Variants in SATB2 observed in about 807,000 individuals in gnomAD.
SATB2 encodes SATB homeobox 2, also known as DNA-binding protein SATB2.
A neutral mutation model predicts 73.4 loss-of-function variants in SATB2; 1 was observed. That is an observed-to-expected ratio of 0.01 (90% CI 0.00 to 0.06). SATB2 has a LOEUF of 0.06. Among genes scored for constraint, SATB2 ranks in the 10% least tolerant of loss-of-function variants. The pLI is 1.00. For missense variants in SATB2, 459 were observed against 945.8 expected (o/e 0.49, Z 6.75); for synonymous variants, 397 against 367.0 (o/e 1.08, Z -0.93).
intron 10 of SATB2, among the ~76,000 whole-genome samples, chr2:199,279,565 C>T (rs1337219138): frequency 6.6e-6 from 1 of 152,126 alleles, no homozygotes; most frequent in Non-Finnish European, 1.5e-5. Flanking sequence ...AAAGAGGTGA[C>T]TGTATAAGGT....
At chr2:199,364,266 AG>A (rs1264321850) in intron 6 of SATB2, among the ~76,000 whole-genome samples, 1 of 152,182 alleles carries the variant, frequency 6.6e-6, no homozygotes, top group African/African-American at 2.4e-5. Flanking sequence ...TTTAGTACAG[AG>A]GACTAGTTCA....
At chr2:199,335,001 T>C (rs189448735) in intron 7 of SATB2, among the ~76,000 whole-genome samples, 2 of 152,140 alleles carry the variant, frequency 1.3e-5, no homozygotes, top group East Asian at 3.9e-4. Context: ...GCTGCTGAAA[T>C]TCATTTGTGT....
intron 6 of SATB2, among the ~76,000 whole-genome samples, 193 bp from the exon 7 acceptor site, chr2:199,349,366 A>T (rs1688748383): frequency 6.6e-6 from 1 of 152,222 alleles, no homozygotes; most frequent in African/African-American, 2.4e-5. Context: ...TTCATGGAAC[A>T]TATGAAAGAA....
intron 3 of SATB2, among the ~76,000 whole-genome samples, chr2:199,401,072 T>C (rs1690459061): frequency 6.6e-6 from 1 of 152,220 alleles, no homozygotes; most frequent in South Asian, 2.1e-4. Flanking sequence ...GCCATGCTAA[T>C]ATTCTCTATC....
intron 3 of SATB2, among the ~76,000 whole-genome samples, chr2:199,421,613 T>C (rs1260634448): frequency 6.6e-6 from 1 of 152,148 alleles, no homozygotes; most frequent in Non-Finnish European, 1.5e-5. Flanking sequence ...TAGTAAGCAG[T>C]CAGTAACCAA....
At chr2:199,312,540 A>G (rs1687623733) in intron 9 of SATB2, among the ~76,000 whole-genome samples, 1 of 152,128 alleles carries the variant, frequency 6.6e-6, no homozygotes, top group African/African-American at 2.4e-5. Context: ...TAACGGGGTG[A>G]CCTTTGGGCA....
intron 3 of SATB2, among the ~76,000 whole-genome samples, chr2:199,421,117 G>C (rs1316671822): frequency 6.6e-6 from 1 of 152,078 alleles, no homozygotes; most frequent in Non-Finnish European, 1.5e-5. Context: ...ACTCAGAAGG[G>C]AGACAATCAG....
At chr2:199,459,746 C>G (rs1008084061), upstream of SATB2, 2 of 152,664 alleles carry the variant, frequency 1.3e-5, no homozygotes, top group African/African-American at 2.4e-5. The surrounding 1 kb of genome is among the most constrained non-coding windows in gnomAD (Gnocchi z 4.2). Context: ...AGTTCGGTTT[C>G]GGGAAACGCT....
intron 9 of SATB2, among the ~76,000 whole-genome samples, chr2:199,310,724 T>C (rs1318456747): frequency 6.6e-6 from 1 of 152,188 alleles, no homozygotes; most frequent in Non-Finnish European, 1.5e-5. Context: ...GCATGGAGAC[T>C]AACCATTTAA....
rs548919225 is a variant in SATB2 at position 199,432,827 on chromosome 2, A to T, written c.346+511T>A. ...TTAATCAAATAAGTGAAAGGAATTG[A>T]TCATAAAGACATGGCAATATTTTTT... On this transcript the variant is annotated intron_variant, in intron 3 of 10. Coordinates refer to ENST00000417098, the MANE Select transcript of SATB2 (RefSeq NM_001172509.2). Among the ~76,000 whole-genome samples the T allele has an allele frequency of 2.4e-4, 36 of 152,358 alleles. No homozygotes were observed. The East Asian group carries it at 6.5e-3, about 28-fold the overall frequency.
At chr2:199,414,502 C>T (rs146970210) in intron 3 of SATB2, among the ~76,000 whole-genome samples, 7 of 152,292 alleles carry the variant, frequency 4.6e-5, no homozygotes, top group African/African-American at 1.7e-4. Flanking sequence ...ACATACCCCT[C>T]TCCTAATGCA....
At chr2:199,388,814 C>T (rs1690034854) in intron 3 of SATB2, among the ~76,000 whole-genome samples, 1 of 152,008 alleles carries the variant, frequency 6.6e-6, no homozygotes, top group Admixed American at 6.6e-5. Context: ...TTCTGGTTCT[C>T]GGTATTATTT....
chr2:199,464,515 A>G lies in SATB2; in HGVS notation c.-141+321T>C, dbSNP rs539634166. On this transcript the variant is annotated intron_variant, in intron 1 of 11. Coordinates refer to the SATB2 transcript ENST00000260926. The surrounding 1 kb of genome is among the most constrained non-coding windows in gnomAD (Gnocchi z 6.6). ...AAAGGTGTAAATTCACCTGGTGCCCACCCAATTGCAAAGCTCCCAGACCCA... is the reference window on the plus strand; with the variant it reads ...AAAGGTGTAAATTCACCTGGTGCCCGCCCAATTGCAAAGCTCCCAGACCCA... Among the ~76,000 whole-genome samples, 539 of 152,024 alleles carry G rather than the reference A, an allele frequency of 3.5e-3. 4 individuals are homozygous for G. The highest frequency in any genetic ancestry group is 3.9e-3 in the Non-Finnish European group (267 of 67,962).
chr2:199,470,335 C>T (rs1692680249), intron 1 of SATB2: 1 of 152,268 alleles, frequency 6.6e-6, no homozygotes, highest in African/African-American at 2.4e-5. Context: ...CCCCGACTCC[C>T]TGGAGCTTGG....
chr2:199,400,161 T>A (rs998213338), intron 3 of SATB2, among the ~76,000 whole-genome samples: 2 of 152,168 alleles, frequency 1.3e-5, no homozygotes, highest in Admixed American at 1.3e-4. Context: ...GCACCACACT[T>A]TGTATTTACT....
At chr2:199,458,945 C>T (rs1245796363), upstream of SATB2, among the ~76,000 whole-genome samples, 1 of 152,102 alleles carries the variant, frequency 6.6e-6, no homozygotes, top group Non-Finnish European at 1.5e-5. Flanking sequence ...TCGGGGTGTC[C>T]CGAATGCCAG....
At chr2:199,449,023 A>G (rs968939884) in intron 2 of SATB2, among the ~76,000 whole-genome samples, 3 of 152,188 alleles carry the variant, frequency 2.0e-5, no homozygotes, top group South Asian at 2.1e-4. Flanking sequence ...TAAAACTGAC[A>G]TAGTTTGCTG....
At chr2:199,458,630 C>T, upstream of SATB2, 1 of 437,658 alleles carries the variant, frequency 2.3e-6, no homozygotes, top group Non-Finnish European at 4.6e-6. Context: ...TCGCTGGGTG[C>T]CGCGTCTGCC....
chr2:199,349,593 G>A (rs1256588902), intron 6 of SATB2, among the ~76,000 whole-genome samples: 8 of 152,100 alleles, frequency 5.3e-5, no homozygotes, highest in Admixed American at 5.2e-4. Context: ...AACATCTCCT[G>A]CCAAATTAAG....
Sources: allele counts gnomAD v4.1 joint callset (sites outside exome capture counted in the v4.1 genomes callset), GRCh38; gene constraint gnomAD v4.1.1; non-coding constraint Gnocchi (gnomAD v3.1); transcripts MANE v1.5; gene names NCBI Gene and HGNC (gene_info 2026-07-23, HGNC 2026-07-21).